PDGFD: variants seen among roughly 807,000 people sequenced by gnomAD.
PDGFD encodes platelet-derived growth factor D.
Under a neutral mutation model 44.7 loss-of-function variants are expected in PDGFD, and 30 were observed. The ratio of observed to expected loss-of-function variants is 0.67; its 90% CI spans 0.50 to 0.91. PDGFD has a LOEUF of 0.91. Among genes scored for constraint, PDGFD ranks in the 40% least tolerant of loss-of-function variants. PDGFD has a pLI of 0.00. For synonymous variants in PDGFD, 173 were observed against 168.4 expected, an observed-to-expected ratio of 1.03 and a Z score of -0.21; for missense variants, 445 against 457.8, an observed-to-expected ratio of 0.97 and a Z score of 0.25.
At chr11:104,054,436 A>T (rs538605676) in intron 1 of PDGFD, among the ~76,000 whole-genome samples, 1 of 152,348 alleles carries the variant, frequency 6.6e-6, no homozygotes, top group South Asian at 2.1e-4. Context: ...AACCTCAATA[A>T]GAAAATAGGC....
chr11:104,052,541 C>A (rs567954299), intron 1 of PDGFD, among the ~76,000 whole-genome samples: 2 of 151,938 alleles, frequency 1.3e-5, no homozygotes, highest in Non-Finnish European at 2.9e-5. Flanking sequence ...ATGCTAGCTA[C>A]CAGGGAAGGT....
intron 1 of PDGFD, among the ~76,000 whole-genome samples, chr11:104,074,826 G>T (rs1860931714): frequency 6.6e-6 from 1 of 152,198 alleles, no homozygotes; most frequent in Admixed American, 6.5e-5. Context: ...GGTGCTGATT[G>T]CCTGGGAGGG....
At chr11:104,071,894 C>T (rs79852628) in intron 1 of PDGFD, among the ~76,000 whole-genome samples, 4 of 151,680 alleles carry the variant, frequency 2.6e-5, no homozygotes, top group Admixed American at 1.3e-4. Context: ...ATATATTCCA[C>T]GTGTACTGAG....
chr11:103,979,474 C>A (rs181264421), intron 3 of PDGFD, among the ~76,000 whole-genome samples: 1 of 152,198 alleles, frequency 6.6e-6, no homozygotes, highest in South Asian at 2.1e-4. Context: ...TTGACTCAGG[C>A]AACTATCTGG....
chr11:104,069,711 T>A (rs947187459), intron 1 of PDGFD, among the ~76,000 whole-genome samples: 2 of 152,030 alleles, frequency 1.3e-5, no homozygotes, highest in African/African-American at 4.8e-5. Flanking sequence ...ATACAAAAAA[T>A]TAGCTGGGCG....
chr11:103,968,691 C>T (rs1859055594), intron 3 of PDGFD, among the ~76,000 whole-genome samples: 1 of 152,178 alleles, frequency 6.6e-6, no homozygotes, highest in South Asian at 2.1e-4. Context: ...TCAATTCTTG[C>T]AGAGCTGTAG....
intron 1 of PDGFD, among the ~76,000 whole-genome samples, chr11:104,122,248 G>T (rs994149224): frequency 2.0e-5 from 3 of 151,992 alleles, no homozygotes; most frequent in African/African-American, 7.2e-5. Flanking sequence ...TAACATGAAG[G>T]CTCCATTTTT....
chr11:103,948,662 C>T (rs1190626826), intron 3 of PDGFD, among the ~76,000 whole-genome samples: 2 of 152,106 alleles, frequency 1.3e-5, no homozygotes, highest in East Asian at 3.9e-4. Context: ...AAATGTTCAG[C>T]CACTCTAGTC....
At chr11:104,008,219 T>C (rs922044789) in intron 1 of PDGFD, among the ~76,000 whole-genome samples, 1 of 152,192 alleles carries the variant, frequency 6.6e-6, no homozygotes, top group Non-Finnish European at 1.5e-5. Context: ...CAAAATGACA[T>C]GACACCTCAA....
chr11:104,155,220 G>A (rs1423746173), intron 1 of PDGFD, among the ~76,000 whole-genome samples: 2 of 152,052 alleles, frequency 1.3e-5, no homozygotes, highest in South Asian at 2.1e-4. Flanking sequence ...ACATACTTAA[G>A]GCAATACCAT....
At chr11:103,996,035 C>G in intron 3 of PDGFD, 30 bp downstream of exon 3, 1 of 1,579,396 alleles carries the variant, frequency 6.3e-7, no homozygotes, top group Non-Finnish European at 8.6e-7. Context: ...CCAGTGTCTG[C>G]TTTTAATCAT....
At chr11:104,116,425 G>A (rs1240251674) in intron 1 of PDGFD, among the ~76,000 whole-genome samples, 1 of 151,922 alleles carries the variant, frequency 6.6e-6, no homozygotes, top group Non-Finnish European at 1.5e-5. Flanking sequence ...CTGTTTTGGT[G>A]ACTATGGCTT....
chr11:103,929,323 T>C (rs1046949146), intron 5 of PDGFD, among the ~76,000 whole-genome samples: 2 of 152,164 alleles, frequency 1.3e-5, no homozygotes, highest in Admixed American at 6.5e-5. Context: ...ATGAGGGCTG[T>C]ACTGGACTTT....
intron 1 of PDGFD, among the ~76,000 whole-genome samples, chr11:104,110,674 T>C (rs540836173): frequency 9.8e-5 from 15 of 152,298 alleles, no homozygotes; most frequent in African/African-American, 3.1e-4. Context: ...TCCTCCACGC[T>C]GTGTCTTTTC....
At chr11:104,039,996 T>C (rs1860322562) in intron 1 of PDGFD, among the ~76,000 whole-genome samples, 1 of 152,134 alleles carries the variant, frequency 6.6e-6, no homozygotes, top group African/African-American at 2.4e-5. Flanking sequence ...CTGAGGTAGC[T>C]ATAATGTTTT....
intron 5 of PDGFD, among the ~76,000 whole-genome samples, chr11:103,938,630 A>G (rs906742718): frequency 6.6e-6 from 1 of 152,182 alleles, no homozygotes; most frequent in Non-Finnish European, 1.5e-5. Context: ...GTCCTTGCCC[A>G]TGCCTATGTC....
intron 1 of PDGFD, among the ~76,000 whole-genome samples, chr11:104,145,395 A>G (rs1862148047): frequency 6.6e-6 from 1 of 152,222 alleles, no homozygotes; most frequent in Non-Finnish European, 1.5e-5. Flanking sequence ...TACTGGATTG[A>G]TTATGCCAGT....
chr11:104,045,265 A>G (rs1211330366), intron 1 of PDGFD, among the ~76,000 whole-genome samples: 1 of 152,190 alleles, frequency 6.6e-6, no homozygotes, highest in Non-Finnish European at 1.5e-5. Flanking sequence ...TTCTCTTTAT[A>G]TAGGAGATAT....
chr11:104,089,362 T>C (rs1861178248), intron 1 of PDGFD, among the ~76,000 whole-genome samples: 1 of 152,176 alleles, frequency 6.6e-6, no homozygotes, highest in African/African-American at 2.4e-5. Context: ...GTTACTGTAT[T>C]ACCAGTGCTG....
Sources: gnomAD v4.1 joint callset for allele counts (sites outside exome capture counted in the v4.1 genomes callset) on GRCh38, gnomAD v4.1.1 for gene constraint, MANE v1.5 for transcripts, NCBI Gene and HGNC (gene_info 2026-07-23, HGNC 2026-07-21) for gene names.